Variants in MAMDC2 observed in about 807,000 individuals in gnomAD.
The protein encoded by MAMDC2 is MAM domain containing 2.
In MAMDC2, 57 loss-of-function variants were observed where a neutral mutation model predicts 89.8. The observed-to-expected ratio is 0.63, with a 90% CI of 0.51 to 0.79. The LOEUF is 0.79. Among genes scored for constraint, MAMDC2 ranks in the 30% least tolerant of loss-of-function variants. The pLI, the probability that MAMDC2 is intolerant of heterozygous loss-of-function variation, is 0.00. For missense variants in MAMDC2, 800 were observed against 820.6 expected, an observed-to-expected ratio of 0.97 and a Z score of 0.31; for synonymous variants, 313 against 293.4, an observed-to-expected ratio of 1.07 and a Z score of -0.68.
At chr9:70,093,630 C>A (rs1005232250) in intron 2 of MAMDC2, 2 of 151,618 alleles carry the variant, frequency 1.3e-5, no homozygotes, top group Admixed American at 6.6e-5. Context: ...TGGGGTTTCA[C>A]CATGTTGGTC....
chr9:70,077,572 T>C (rs1046637073), intron 2 of MAMDC2, among the ~76,000 whole-genome samples: 8 of 152,212 alleles, frequency 5.3e-5, no homozygotes, highest in African/African-American at 1.9e-4. Flanking sequence ...GGCTGACATT[T>C]AGACAGCATG....
chr9:70,096,293 C>T (rs1216997502), intron 2 of MAMDC2, among the ~76,000 whole-genome samples: 6 of 152,138 alleles, frequency 3.9e-5, no homozygotes, highest in Admixed American at 3.9e-4. Context: ...GCTGGGATTA[C>T]AGCTGTGAGC....
intron 2 of MAMDC2, among the ~76,000 whole-genome samples, chr9:70,056,708 A>C (rs1424639501): frequency 6.6e-6 from 1 of 152,118 alleles, no homozygotes; most frequent in Admixed American, 6.5e-5. Flanking sequence ...GTACCGGTCT[A>C]CTAGAAGCCC....
intron 12 of MAMDC2, among the ~76,000 whole-genome samples, chr9:70,219,921 C>A (rs745866767): frequency 3.3e-5 from 5 of 152,176 alleles, no homozygotes; most frequent in Non-Finnish European, 7.3e-5. Context: ...ATCAGCAATA[C>A]CTGAAATGCA....
intron 11 of MAMDC2, among the ~76,000 whole-genome samples, chr9:70,175,464 A>G (rs2032469629): frequency 6.6e-6 from 1 of 152,058 alleles, no homozygotes; most frequent in South Asian, 2.1e-4. Flanking sequence ...AAAAATGGCA[A>G]AGTGTAAGGG....
At chr9:70,217,230 G>C in intron 11 of MAMDC2, 1 of 841,792 alleles carries the variant, frequency 1.2e-6, no homozygotes. Context: ...GTGGGTACAA[G>C]ATCTACCCGG....
intron 9 of MAMDC2, among the ~76,000 whole-genome samples, chr9:70,156,711 T>A (rs1368866894): frequency 6.6e-6 from 1 of 152,244 alleles, no homozygotes; most frequent in Non-Finnish European, 1.5e-5. Context: ...GAGCTAAGTA[T>A]GGAAAAGGAA....
At chr9:70,142,708 C>A (rs2031266839) in intron 8 of MAMDC2, among the ~76,000 whole-genome samples, 2 of 152,062 alleles carry the variant, frequency 1.3e-5, no homozygotes, top group Non-Finnish European at 2.9e-5. Flanking sequence ...TGTATGGAGG[C>A]ATAGAGAGCT....
At chr9:70,221,370 T>TAGAG (rs1274916631) in intron 12 of MAMDC2, among the ~76,000 whole-genome samples, 1 of 7,158 alleles carries the variant, frequency 1.4e-4, no homozygotes, top group African/African-American at 3.8e-4. Flanking sequence ...TATATATATA[T>TAGAG]ATATATATAT....
At chr9:70,126,105 T>TCCCCCC in intron 5 of MAMDC2, 54 bp from the exon 6 acceptor site, 2 of 1,519,536 alleles carry the variant, frequency 1.3e-6, no homozygotes, top group Admixed American at 1.8e-5. Flanking sequence ...CTGAACCTCT[T>TCCCCCC]CCCCTCCCCC....
intron 8 of MAMDC2, among the ~76,000 whole-genome samples, chr9:70,141,376 A>G (rs7848955): frequency 0.92 from 140,551 of 152,238 alleles, 64,961 homozygotes; most frequent in East Asian, 1. Context: ...ACATTCAAGC[A>G]GATTAACTCC....
intron 11 of MAMDC2, chr9:70,217,363 AG>A: frequency 7.4e-7 from 1 of 1,353,882 alleles, no homozygotes; most frequent in Non-Finnish European, 1.1e-6. Flanking sequence ...CCTCCACAGA[AG>A]GAAGCACAAA....
At chr9:70,069,563 T>C (rs117459705) in intron 2 of MAMDC2, among the ~76,000 whole-genome samples, 113 of 152,346 alleles carry the variant, frequency 7.4e-4, no homozygotes, top group Non-Finnish European at 1.4e-3. Flanking sequence ...GGATACCTGA[T>C]AAGTTTTAAC....
At chr9:70,142,716 G>C (rs1423830180) in intron 8 of MAMDC2, among the ~76,000 whole-genome samples, 1 of 152,154 alleles carries the variant, frequency 6.6e-6, no homozygotes, top group African/African-American at 2.4e-5. Flanking sequence ...GGCATAGAGA[G>C]CTCTGGCATG....
At chr9:70,141,580 A>C (rs1052413365) in intron 8 of MAMDC2, among the ~76,000 whole-genome samples, 6 of 152,186 alleles carry the variant, frequency 3.9e-5, no homozygotes, top group Non-Finnish European at 8.8e-5. Context: ...CTGAGAATTA[A>C]AGTGATGTAA....
chr9:70,103,510 G>A (rs961507696), intron 2 of MAMDC2, among the ~76,000 whole-genome samples: 9 of 151,520 alleles, frequency 5.9e-5, no homozygotes, highest in South Asian at 4.2e-4. Flanking sequence ...AGATCTAAAC[G>A]TAAAAGCTGA....
chr9:70,096,704 G>C (rs1474255022), intron 2 of MAMDC2, among the ~76,000 whole-genome samples: 2 of 152,102 alleles, frequency 1.3e-5, no homozygotes, highest in Non-Finnish European at 2.9e-5. Context: ...GTAAGGAAGA[G>C]TCATCAAAGT....
intron 11 of MAMDC2, among the ~76,000 whole-genome samples, chr9:70,207,763 A>C (rs1401793006): frequency 1.3e-5 from 2 of 152,274 alleles, no homozygotes; most frequent in Middle Eastern, 3.4e-3. Context: ...TTATGGTTTT[A>C]GGTCTAACAT....
At chr9:70,191,825 C>G (rs777779631) in intron 11 of MAMDC2, among the ~76,000 whole-genome samples, 1 of 152,148 alleles carries the variant, frequency 6.6e-6, no homozygotes. Context: ...GATGAGATTG[C>G]TGAAAATCCC....
Sources: gnomAD v4.1 joint callset for allele counts (sites outside exome capture counted in the v4.1 genomes callset) on GRCh38, gnomAD v4.1.1 for gene constraint, MANE v1.5 for transcripts, NCBI Gene and HGNC (gene_info 2026-07-23, HGNC 2026-07-21) for gene names.